The following RBFOX1 variants were observed in gnomAD, a reference collection of about 807,000 sequenced individuals.
The protein encoded by RBFOX1 is RNA binding protein fox-1 homolog 1.
Under a neutral mutation model 57.7 loss-of-function variants are expected in RBFOX1, and 8 were observed. That is an observed-to-expected ratio of 0.14 (90% CI 0.08 to 0.25). The LOEUF is 0.25. RBFOX1 is among the 10% of genes least tolerant of loss of function. The probability of loss-of-function intolerance (pLI) is 1.00; values close to 1 mark genes in which losing one functional copy is unlikely to be tolerated. For synonymous variants in RBFOX1, 326 were observed against 222.4 expected, an observed-to-expected ratio of 1.47 and a Z score of -4.15; for missense variants, 611 against 548.5, an observed-to-expected ratio of 1.11 and a Z score of -1.14.
At chr16:7,355,428 A>G (rs2097197728) in intron 4 of RBFOX1, among the ~76,000 whole-genome samples, 2 of 152,154 alleles carry the variant, frequency 1.3e-5, no homozygotes, top group Admixed American at 6.5e-5. Context: ...CCTCCCACCC[A>G]GAGACAATAC....
intron 4 of RBFOX1, among the ~76,000 whole-genome samples, chr16:5,873,234 G>T (rs762112564): frequency 6.6e-6 from 1 of 152,200 alleles, no homozygotes; most frequent in Non-Finnish European, 1.5e-5. Flanking sequence ...GAGACCTGTT[G>T]TTTTGAAAGC....
chr16:6,115,366 C>T (rs1339479787), intron 1 of RBFOX1, among the ~76,000 whole-genome samples: 3 of 152,040 alleles, frequency 2.0e-5, no homozygotes, highest in Non-Finnish European at 4.4e-5. Context: ...TAAATTTTTC[C>T]AGAGAAAAGG....
chr16:7,693,495 CT>C, intron 14 of RBFOX1: 1 of 693,690 alleles, frequency 1.4e-6, no homozygotes, highest in Non-Finnish European at 2.3e-6. Context: ...AAAAAAAGAT[CT>C]TATATCTTTG....
chr16:6,689,172 C>G (rs1031612712), intron 3 of RBFOX1, among the ~76,000 whole-genome samples: 26 of 152,090 alleles, frequency 1.7e-4, no homozygotes, highest in African/African-American at 5.8e-4. Context: ...ATTGCTGGGT[C>G]AAATGTTATT....
intron 3 of RBFOX1, among the ~76,000 whole-genome samples, chr16:6,809,047 T>G (rs1208332036): frequency 6.6e-6 from 1 of 152,210 alleles, no homozygotes; most frequent in East Asian, 1.9e-4. Flanking sequence ...TAGTTGAGTC[T>G]TGGCCAATCC....
intron 4 of RBFOX1, among the ~76,000 whole-genome samples, chr16:7,257,049 G>C (rs2094717193): frequency 6.6e-6 from 1 of 152,102 alleles, no homozygotes; most frequent in Non-Finnish European, 1.5e-5. Flanking sequence ...ATGGGATGCT[G>C]TATAATTTCA....
chr16:5,548,172 A>ATATATATATATATATATATATATATATAT (rs1442260697), intron 2 of RBFOX1, among the ~76,000 whole-genome samples: 1 of 28,282 alleles, frequency 3.5e-5, no homozygotes, highest in African/African-American at 8.0e-5. Flanking sequence ...AAAAAAAAAA[A>ATATATATATATATATATATATATATATAT]AAATATATAT....
chr16:6,345,933 C>G (rs919977065), intron 2 of RBFOX1, among the ~76,000 whole-genome samples: 2 of 152,108 alleles, frequency 1.3e-5, no homozygotes, highest in Admixed American at 1.3e-4. Flanking sequence ...GGCAGGACAA[C>G]TCGAAACAAA....
intron 3 of RBFOX1, among the ~76,000 whole-genome samples, chr16:6,874,955 A>T (rs754602294): frequency 2.6e-5 from 4 of 152,226 alleles, no homozygotes; most frequent in African/African-American, 4.8e-5. Flanking sequence ...ATTAGAAACC[A>T]AGAAGCTTGG....
chr16:6,483,442 G>C (rs888856286), intron 2 of RBFOX1: 36 of 1,535,532 alleles, frequency 2.3e-5, no homozygotes, highest in Non-Finnish European at 3.0e-5. Context: ...TGTTGCCTCG[G>C]ACTTCTCCCG....
intron 3 of RBFOX1, among the ~76,000 whole-genome samples, chr16:5,689,880 T>C (rs1446928459): frequency 6.6e-6 from 1 of 152,062 alleles, no homozygotes; most frequent in Admixed American, 6.5e-5. Context: ...ATGAACTGTT[T>C]GACAGGGGAA....
intron 1 of RBFOX1, among the ~76,000 whole-genome samples, chr16:6,219,017 A>G (rs1319531876): frequency 6.6e-6 from 1 of 152,174 alleles, no homozygotes; most frequent in African/African-American, 2.4e-5. Flanking sequence ...CTGTTAGGTG[A>G]CTCAGGGGCC....
At chr16:5,894,806 G>C (rs1407919913) in intron 4 of RBFOX1, among the ~76,000 whole-genome samples, 3 of 152,226 alleles carry the variant, frequency 2.0e-5, no homozygotes, top group South Asian at 4.1e-4. Context: ...CGGATCACGA[G>C]GTCAGGAGAT....
In RBFOX1 at chr16:6,780,400, T is replaced by TTATATATATTTATATATATTTA. The variant is rs1567216843; in HGVS notation, c.-16+125758_-16+125779dup. Among the ~76,000 whole-genome samples, 72 of 44,082 alleles carry TTATATATATTTATATATATTTA rather than the reference T, an allele frequency of 1.6e-3. 4 individuals carry two copies. The highest frequency in any genetic ancestry group is 9.0e-3 in the African/African-American group (69 of 7,632). The allele number at this position is 44,082 out of a possible 152,430, so 28.9% of individuals were successfully genotyped here. A position where few individuals can be genotyped will look rare whatever the true frequency, so the allele number is the denominator to read the frequency against. ...ATATTTATACATATTATATATATTT[T>TTATATATATTTATATATATTTA]TATATATATTTATATATATTTATAT... On this transcript the variant is annotated intron_variant, in intron 3 of 15. Transcript: ENST00000550418.
intron 4 of RBFOX1, among the ~76,000 whole-genome samples, chr16:7,414,562 G>C (rs1346550823): frequency 6.6e-6 from 1 of 152,138 alleles, no homozygotes; most frequent in Non-Finnish European, 1.5e-5. Flanking sequence ...GGAACTTGTT[G>C]AAGGTCTACC....
chr16:6,100,708 T>C (rs1242162077), intron 1 of RBFOX1, among the ~76,000 whole-genome samples: 1 of 152,148 alleles, frequency 6.6e-6, no homozygotes, highest in Non-Finnish European at 1.5e-5. Context: ...ACTATTATTG[T>C]TTCTGTGTTT....
intron 2 of RBFOX1, among the ~76,000 whole-genome samples, chr16:5,519,854 T>C (rs753603333): frequency 1.5e-4 from 23 of 152,246 alleles, no homozygotes; most frequent in Non-Finnish European, 2.6e-4. Flanking sequence ...CTTTCTCATT[T>C]ATTCATGAAT....
chr16:7,650,209 T>G (rs1251541872), intron 11 of RBFOX1, among the ~76,000 whole-genome samples: 4 of 152,034 alleles, frequency 2.6e-5, no homozygotes, highest in African/African-American at 9.7e-5. Context: ...AGCCCTAGAT[T>G]AACAAGAAAG....
chr16:7,549,064 C>A (rs1274405178), intron 5 of RBFOX1, among the ~76,000 whole-genome samples: 1 of 152,188 alleles, frequency 6.6e-6, no homozygotes, highest in African/African-American at 2.4e-5. Context: ...GAAGGACTTT[C>A]TGAAGAGGCG....
Sources: gnomAD v4.1 joint callset for allele counts (sites outside exome capture counted in the v4.1 genomes callset) on GRCh38, gnomAD v4.1.1 for gene constraint, MANE v1.5 for transcripts, NCBI Gene and HGNC (gene_info 2026-07-23, HGNC 2026-07-21) for gene names.